The following LRMDA variants were observed in gnomAD, a reference collection of about 807,000 sequenced individuals.
LRMDA encodes the protein leucine-rich melanocyte differentiation-associated protein.
Under a neutral mutation model 29.8 loss-of-function variants are expected in LRMDA, and 18 were observed. The observed-to-expected ratio is 0.60, with a 90% CI of 0.42 to 0.90. The LOEUF is 0.90. LRMDA is among the 40% of genes least tolerant of loss of function. LRMDA has a pLI of 0.00. For missense variants in LRMDA, 273 were observed against 273.9 expected, an observed-to-expected ratio of 1.00 and a Z score of 0.02; for synonymous variants, 125 against 109.4, an observed-to-expected ratio of 1.14 and a Z score of -0.89.
chr10:76,218,990 A>T (rs1467349345), intron 5 of LRMDA, among the ~76,000 whole-genome samples: 1 of 152,226 alleles, frequency 6.6e-6, no homozygotes, highest in African/African-American at 2.4e-5. Flanking sequence ...AAAGTGGTGC[A>T]GACTAGGAAT....
intron 5 of LRMDA, among the ~76,000 whole-genome samples, chr10:76,295,157 T>C (rs1840396103): frequency 6.6e-6 from 1 of 152,194 alleles, no homozygotes; most frequent in Admixed American, 6.5e-5. Context: ...TTTAATGGTA[T>C]AAGGAGGGAA....
At chr10:75,645,476 T>G (rs1589144788) in intron 2 of LRMDA, among the ~76,000 whole-genome samples, 5 of 146,510 alleles carry the variant, frequency 3.4e-5, no homozygotes, top group African/African-American at 7.6e-5. Context: ...TGGTGGGGGG[T>G]GGGGGCAGGA....
rs532232012 is a variant in LRMDA, at chr10:75,526,849, G to A, written c.131+88355G>A. Among the ~76,000 whole-genome samples, 4 of 132,260 alleles carry A rather than the reference G, an allele frequency of 3.0e-5. No homozygotes were observed. In the East Asian group the frequency reaches 8.6e-4, roughly 28 times the overall value. 86.8% of individuals were successfully genotyped at this position (132,260 alleles called of 152,430 possible). On this transcript the variant is annotated intron_variant, in intron 2 of 6. Transcript: ENST00000611255. ...ACTCCAGCCTGGATGGCAGAGCAAG[G>A]CCCTATCTCAAAAAAAAAAAAAACA...
At chr10:75,584,496 G>C (rs1020674880) in intron 2 of LRMDA, among the ~76,000 whole-genome samples, 4 of 152,180 alleles carry the variant, frequency 2.6e-5, no homozygotes, top group African/African-American at 9.7e-5. Flanking sequence ...CTGGTGCATG[G>C]TGGGTGCTCA....
At chr10:75,930,525 G>A (rs74146997) in intron 2 of LRMDA, among the ~76,000 whole-genome samples, 2,753 of 152,218 alleles carry the variant, frequency 0.018, 66 homozygotes, top group East Asian at 0.07. Context: ...GCAGACATTC[G>A]ATGATGGTGA....
chr10:75,812,611 G>A (rs908983364), intron 2 of LRMDA, among the ~76,000 whole-genome samples: 1 of 152,158 alleles, frequency 6.6e-6, no homozygotes, highest in Admixed American at 6.5e-5. Context: ...CGTGAGTATG[G>A]ATTTATAGTT....
chr10:76,092,040 C>T (rs985966190), intron 5 of LRMDA, among the ~76,000 whole-genome samples: 1 of 152,072 alleles, frequency 6.6e-6, no homozygotes, highest in Non-Finnish European at 1.5e-5. Flanking sequence ...GCCAAGTAAC[C>T]CTAGGGCATA....
chr10:75,783,900 C>A (rs1843427206), intron 2 of LRMDA, among the ~76,000 whole-genome samples: 3 of 152,124 alleles, frequency 2.0e-5, no homozygotes, highest in Non-Finnish European at 4.4e-5. Flanking sequence ...TAATACATTG[C>A]CTGGTTTGGG....
intron 2 of LRMDA, among the ~76,000 whole-genome samples, chr10:75,529,907 G>A (rs962736230): frequency 6.6e-6 from 1 of 152,014 alleles, no homozygotes; most frequent in East Asian, 1.9e-4. Context: ...AACCACAGTA[G>A]GAAATCAATG....
At chr10:75,497,610 C>T (rs1198413879) in intron 2 of LRMDA, among the ~76,000 whole-genome samples, 1 of 151,640 alleles carries the variant, frequency 6.6e-6, no homozygotes, top group Non-Finnish European at 1.5e-5. Context: ...TAGCTAATTC[C>T]TGCTCCCTCC....
intron 2 of LRMDA, among the ~76,000 whole-genome samples, chr10:75,732,177 G>A (rs1055650590): frequency 6.6e-6 from 1 of 152,104 alleles, no homozygotes; most frequent in Non-Finnish European, 1.5e-5. Context: ...TTTGCTGAAT[G>A]ATGGAATCCT....
rs1378900267 is a variant in LRMDA at position 76,223,124 on chromosome 10, G to C, written c.517-101277G>C. Among the ~76,000 whole-genome samples, 4 of 151,704 alleles carry C rather than the reference G, an allele frequency of 2.6e-5. No individual in the cohort carries two copies. The East Asian group carries it at 7.8e-4, about 29-fold the overall frequency. ...CACTGTGGGGACTGTTGTGGGGTGG[G>C]GGGAGTGGGGAGGGATAGCTTTAGG... On this transcript the variant is annotated intron_variant, in intron 5 of 6. Transcript: ENST00000611255.
chr10:75,662,105 T>C (rs1295027777), intron 2 of LRMDA, among the ~76,000 whole-genome samples: 2 of 151,552 alleles, frequency 1.3e-5, no homozygotes, highest in East Asian at 3.9e-4. Context: ...GGGAGGAATT[T>C]AGCTGCTTTT....
intron 5 of LRMDA, among the ~76,000 whole-genome samples, chr10:76,193,841 T>G (rs1021919546): frequency 6.6e-6 from 1 of 152,170 alleles, no homozygotes; most frequent in Non-Finnish European, 1.5e-5. Flanking sequence ...AGGAGAGGCC[T>G]GCAGCAGGAG....
intron 2 of LRMDA, among the ~76,000 whole-genome samples, chr10:75,811,336 C>T (rs894666953): frequency 6.6e-6 from 1 of 152,110 alleles, no homozygotes; most frequent in African/African-American, 2.4e-5. Flanking sequence ...GTGGTCATAG[C>T]AACATCTTGC....
intron 6 of LRMDA, among the ~76,000 whole-genome samples, chr10:76,476,880 A>G (rs1842678991): frequency 6.6e-6 from 1 of 152,180 alleles, no homozygotes; most frequent in Non-Finnish European, 1.5e-5. Flanking sequence ...TCAATAAATT[A>G]GTTATTGATG....
intron 6 of LRMDA, among the ~76,000 whole-genome samples, chr10:76,492,582 G>A (rs1842844345): frequency 6.6e-6 from 1 of 152,000 alleles, no homozygotes; most frequent in Non-Finnish European, 1.5e-5. Flanking sequence ...CATCAAAACT[G>A]GGACTCTGTT....
At chr10:75,614,221 GT>G (rs1253298460) in intron 2 of LRMDA, among the ~76,000 whole-genome samples, 1 of 151,930 alleles carries the variant, frequency 6.6e-6, no homozygotes, top group Non-Finnish European at 1.5e-5. Flanking sequence ...CTCACTCTTT[GT>G]TTTTCTTTTG....
intron 5 of LRMDA, among the ~76,000 whole-genome samples, chr10:76,197,235 G>C (rs1851346033): frequency 6.6e-6 from 1 of 152,146 alleles, no homozygotes. Flanking sequence ...TTGTTTTAAT[G>C]AGCGTGGAGC....
Sources: allele counts gnomAD v4.1 joint callset (sites outside exome capture counted in the v4.1 genomes callset), GRCh38; gene constraint gnomAD v4.1.1; transcripts MANE v1.5; gene names NCBI Gene and HGNC (gene_info 2026-07-23, HGNC 2026-07-21).